Variants in CDH23 observed in about 807,000 individuals in gnomAD.
CDH23 encodes the protein cadherin related 23.
Under a neutral mutation model 317.1 loss-of-function variants are expected in CDH23, and 189 were observed. The ratio of observed to expected loss-of-function variants is 0.60; its 90% CI spans 0.53 to 0.67. The LOEUF is 0.67. Ranked by LOEUF, CDH23 falls within the 30% of genes least tolerant of loss-of-function variation. The probability of loss-of-function intolerance (pLI) is 0.00; values close to 1 mark genes in which losing one functional copy is unlikely to be tolerated. For missense variants in CDH23, 4,401 were observed against 4,592.4 expected (o/e 0.96, Z 1.20); for synonymous variants, 1,839 against 1,876.8 (o/e 0.98, Z 0.52).
chr10:71,777,878 AC>A lies in CDH23; in HGVS notation c.5046del (p.Phe1683SerfsTer27). On this transcript the variant is annotated frameshift_variant, in exon 39 of 70. Coordinates refer to ENST00000224721, the MANE Select transcript of CDH23 (RefSeq NM_022124.6). LOFTEE classifies it high-confidence loss of function. ...CATCGTCGCAGGCAACATCGTCAACACCTTCCGCATCGACAGACACATGGTC... is the reference window on the plus strand; with the variant it reads ...CATCGTCGCAGGCAACATCGTCAACACTTCCGCATCGACAGACACATGGTC... Reference protein sequence around the residue: ...YAIVAGNIVNTFRIDRHMGVI... With the variant: ...YAIVAGNIVNXFRIDRHMGVI... 1 of 1,613,738 alleles carries A rather than the reference AC, an allele frequency of 6.2e-7. No homozygotes were observed. The highest frequency in any genetic ancestry group is 1.3e-5 in the African/African-American group (1 of 74,946).
At chr10:71,585,699 C>A (rs926911077) in intron 9 of CDH23, among the ~76,000 whole-genome samples, 4 of 152,234 alleles carry the variant, frequency 2.6e-5, no homozygotes, top group African/African-American at 9.6e-5. Context: ...TTCCTTCCCC[C>A]TGATCTTTCG....
intron 30 of CDH23, among the ~76,000 whole-genome samples, chr10:71,728,194 C>T (rs528369654): frequency 6.6e-6 from 1 of 152,142 alleles, no homozygotes; most frequent in Non-Finnish European, 1.5e-5. Flanking sequence ...CAAACTCCCC[C>T]CCGCACCCAC....
chr10:71,796,420 G>A (rs1841405337), intron 48 of CDH23, among the ~76,000 whole-genome samples: 1 of 152,146 alleles, frequency 6.6e-6, no homozygotes, highest in African/African-American at 2.4e-5. Context: ...TGGAACCAAT[G>A]CTCCTGTCCC....
Position 71,453,118 on chromosome 10 carries a change from A to T in CDH23, c.145+6723A>T, listed in dbSNP as rs565089184. 2.6e-5 allele frequency among the ~76,000 whole-genome samples: 4 copies of T among 152,358 alleles called. No individual in the cohort carries two copies. The East Asian group carries it at 7.7e-4, about 29-fold the overall frequency. On this transcript the variant is annotated intron_variant, in intron 3 of 69. Transcript: ENST00000224721. The stretch of plus-strand genomic sequence containing the variant: ...CCCCAGCCAGAACCACCAGCACCCC[A>T]AAAGCATCTTAAGCCACAATTAAGG...
intron 22 of CDH23, 149 bp from the exon 23 acceptor site, chr10:71,701,873 A>G: frequency 1.3e-6 from 1 of 745,790 alleles, no homozygotes; most frequent in Non-Finnish European, 2.2e-6. Flanking sequence ...GGACCCCCCT[A>G]CCGGGCCCAG....
intron 1 of CDH23, among the ~76,000 whole-genome samples, chr10:71,408,899 A>G (rs1312502024): frequency 6.6e-6 from 1 of 152,176 alleles, no homozygotes; most frequent in Non-Finnish European, 1.5e-5. Flanking sequence ...CCGTGGTACT[A>G]ACTTGCTGCC....
chr10:71,479,713 G>T lies in CDH23; in HGVS notation c.146-30369G>T, dbSNP rs140932293. On this transcript the variant is annotated intron_variant, in intron 3 of 69. Coordinates refer to ENST00000224721, the MANE Select transcript of CDH23 (RefSeq NM_022124.6). ...CCAGGAAGTTAGAGAGCAGGGGCCC[G>T]GTGAGGATCAGGGGCAGGGAAACCA... Among the ~76,000 whole-genome samples the T allele has an allele frequency of 1.9e-3, 288 of 152,212 alleles. 3 individuals carry two copies. The highest frequency in any genetic ancestry group is 6.8e-3 in the African/African-American group (282 of 41,532).
chr10:71,804,416 A>G (rs183306344), intron 55 of CDH23, among the ~76,000 whole-genome samples: 1 of 152,278 alleles, frequency 6.6e-6, no homozygotes. Flanking sequence ...CTAAGCACAC[A>G]GGCCCAAAGT....
chr10:71,509,694 G>A (rs1306823085), intron 3 of CDH23, among the ~76,000 whole-genome samples: 1 of 152,216 alleles, frequency 6.6e-6, no homozygotes, highest in East Asian at 1.9e-4. Context: ...TGATTGGCTA[G>A]CGCTGACTTA....
chr10:71,689,069 TGGTGGAGCCAGGGGTGGTGGAGC>T, intron 19 of CDH23, among the ~76,000 whole-genome samples: 1 of 135,160 alleles, frequency 7.4e-6, no homozygotes. Flanking sequence ...GAGCCAGGGG[TGGTGGAGCCAGGGGTGGTGGAGC>T]CAGGGGTGGT....
intron 38 of CDH23, chr10:71,750,949 G>A: frequency 5.8e-6 from 2 of 346,620 alleles, no homozygotes; most frequent in Admixed American, 4.6e-5. Context: ...CTGCTGAAGG[G>A]CTGGACGTTC....
intron 6 of CDH23, among the ~76,000 whole-genome samples, chr10:71,542,068 A>G (rs1856016535): frequency 6.6e-6 from 1 of 152,198 alleles, no homozygotes; most frequent in African/African-American, 2.4e-5. Context: ...TTTTCCAGAT[A>G]AGGAAACTGA....
intron 1 of CDH23, among the ~76,000 whole-genome samples, chr10:71,416,582 A>G (rs1212854785): frequency 1.3e-5 from 2 of 151,938 alleles, no homozygotes; most frequent in Admixed American, 6.6e-5. Context: ...TAATTTTCTC[A>G]TTGTCTGAAG....
intron 34 of CDH23, among the ~76,000 whole-genome samples, chr10:71,735,566 CA>C (rs1839540447): frequency 1.3e-5 from 2 of 152,186 alleles, no homozygotes; most frequent in Non-Finnish European, 2.9e-5. Flanking sequence ...ATCTAGAGAC[CA>C]CCTGGGGCAT....
chr10:71,535,101 A>G (rs543009365), intron 6 of CDH23, among the ~76,000 whole-genome samples: 2 of 152,326 alleles, frequency 1.3e-5, no homozygotes, highest in South Asian at 4.1e-4. Flanking sequence ...TTTTCCATCC[A>G]GACTGCTCAT....
intron 18 of CDH23, among the ~76,000 whole-genome samples, chr10:71,684,453 G>A (rs971325766): frequency 6.6e-6 from 1 of 151,492 alleles, no homozygotes. Context: ...GAGACACCAA[G>A]TGGAAAGAGG....
chr10:71,715,829 G>T, intron 28 of CDH23: 1 of 1,160,350 alleles, frequency 8.6e-7, no homozygotes, highest in Non-Finnish European at 1.2e-6. Flanking sequence ...GTGTGTCCCA[G>T]ACTGCTTGGG....
chr10:71,702,351 T>G (rs906725360), intron 23 of CDH23, 140 bp downstream of exon 23: 60 of 1,141,000 alleles, frequency 5.3e-5, no homozygotes, highest in Non-Finnish European at 7.5e-5. Context: ...CACGCCCCAG[T>G]TGTGACTCCT....
chr10:71,489,851 A>T (rs77591965), intron 3 of CDH23, among the ~76,000 whole-genome samples: 2,903 of 152,300 alleles, frequency 0.019, 100 homozygotes, highest in African/African-American at 0.066. Context: ...GATGTGGGCC[A>T]TTAGGGTTAC....
Sources: allele counts gnomAD v4.1 joint callset (sites outside exome capture counted in the v4.1 genomes callset), GRCh38; gene constraint gnomAD v4.1.1; transcripts MANE v1.5; gene names NCBI Gene and HGNC (gene_info 2026-07-23, HGNC 2026-07-21).